Variants in DCT observed in about 807,000 individuals in gnomAD.
DCT encodes the protein dopachrome tautomerase.
In DCT, 47 loss-of-function variants were observed where a neutral mutation model predicts 53.0. The observed-to-expected ratio is 0.89, with a 90% CI of 0.70 to 1.13. The LOEUF (loss-of-function observed/expected upper bound fraction) is 1.13, where lower values mean the gene tolerates loss of function less well. DCT is among the 50% of genes most tolerant of loss of function. The pLI is 0.00. For missense variants in DCT, 669 were observed against 637.4 expected (o/e 1.05, Z -0.53); for synonymous variants, 244 against 237.0 (o/e 1.03, Z -0.27).
chr13:94,478,788 GA>G (rs1344549736), intron 1 of DCT, among the ~76,000 whole-genome samples, 172 bp downstream of exon 1: 1 of 152,252 alleles, frequency 6.6e-6, no homozygotes, highest in Non-Finnish European at 1.5e-5. Context: ...TAGAGGGTGT[GA>G]AGAATAAACC....
chr13:94,460,257 G>C (rs1566828607), intron 5 of DCT, 31 bp from the exon 6 acceptor site: 5 of 1,598,420 alleles, frequency 3.1e-6, no homozygotes, highest in Non-Finnish European at 4.3e-6. Flanking sequence ...AGTGACAACA[G>C]ACAAAGACTG....
At chr13:94,506,212 T>C in the DCT span, among the ~76,000 whole-genome samples, 1 of 152,210 alleles carries the variant, frequency 6.6e-6, no homozygotes, top group African/African-American at 2.4e-5. Context: ...GTTTACTTAA[T>C]CGCTTAAAAC....
chr13:94,450,537 A>C (rs563916278), intron 6 of DCT, among the ~76,000 whole-genome samples: 1 of 152,300 alleles, frequency 6.6e-6, no homozygotes, highest in South Asian at 2.1e-4. Context: ...GTGTGTAAAA[A>C]TGTACACAAT....
At chr13:94,523,806 A>G in the DCT span, among the ~76,000 whole-genome samples, 2 of 152,084 alleles carry the variant, frequency 1.3e-5, no homozygotes, top group South Asian at 2.1e-4. Context: ...AAATGTATAC[A>G]ATAGCGTGCT....
At chr13:94,464,812 C>T (rs1884056916) in intron 4 of DCT, among the ~76,000 whole-genome samples, 1 of 152,076 alleles carries the variant, frequency 6.6e-6, no homozygotes, top group Admixed American at 6.5e-5. Context: ...TCTTCATGGG[C>T]TGCAGGCCAG....
At chr13:94,525,687 C>T in the DCT span, among the ~76,000 whole-genome samples, 1 of 152,138 alleles carries the variant, frequency 6.6e-6, no homozygotes, top group Non-Finnish European at 1.5e-5. Flanking sequence ...AAAAGATTTT[C>T]TTTTAATGAA....
chr13:94,478,958 C>T lies in DCT; in HGVS notation c.295+3G>A. ...CCCACCAAGCTTGGAGCATGGGCCT[C>T]ACCTGTGCACTTGCAGGTCCGGTGG... On this transcript the variant is annotated splice_donor_region_variant and intron_variant, in intron 1 of 7. Transcript: ENST00000377028. The T allele has an allele frequency of 6.2e-7, 1 of 1,605,194 alleles. No individual in the cohort carries two copies. Among genetic ancestry groups the T allele is most frequent in the Non-Finnish European group, 8.5e-7 (1 of 1,174,242 alleles).
At chr13:94,547,984 A>AAAAAAAAAAT in the DCT span, among the ~76,000 whole-genome samples, 11 of 65,816 alleles carry the variant, frequency 1.7e-4, no homozygotes, top group African/African-American at 1.4e-3. Context: ...AAAAAAAAAA[A>AAAAAAAAAAT]ATATATATAT....
chr13:94,525,785 T>C, the DCT span, among the ~76,000 whole-genome samples: 1 of 152,116 alleles, frequency 6.6e-6, no homozygotes, highest in Non-Finnish European at 1.5e-5. Context: ...TTTAGTCCAG[T>C]AGTTTGATAC....
chr13:94,490,920 CTATT>C, the DCT span, among the ~76,000 whole-genome samples: 2 of 151,900 alleles, frequency 1.3e-5, no homozygotes, highest in Non-Finnish European at 2.9e-5. Flanking sequence ...GGAAAGTTAC[CTATT>C]TATTTATGCC....
upstream of DCT, among the ~76,000 whole-genome samples, chr13:94,482,799 A>C (rs1447937723): frequency 6.6e-6 from 1 of 152,192 alleles, no homozygotes; most frequent in Non-Finnish European, 1.5e-5. Flanking sequence ...AATGACCACT[A>C]TTATATTGGG....
Position 94,466,647 on chromosome 13 carries a change from G to A in DCT, c.607C>T (p.Pro203Ser). 6.2e-7 allele frequency: 1 copy of A among 1,601,744 alleles called. No individual in the cohort carries two copies. Among genetic ancestry groups the A allele is most frequent in the Non-Finnish European group, 8.5e-7 (1 of 1,175,242 alleles). The part of the protein sequence containing the change: ...VRDTLLGPGR[P>S]YRAIDFSHQG... ...TGTGAGAAATCTATGGCCCTGTAGG[G>A]GCGTCCTGGTCCTGAAACAATTGGG... The change falls in exon 3 of 8, where the codon CCC becomes TCC. Residue 203 changes from proline to serine, a missense_variant. Transcript: ENST00000377028.
chr13:94,472,558 ATATATATATATTTTTTTTTTTTTTTTT>A (rs1884792639), intron 1 of DCT, among the ~76,000 whole-genome samples: 1 of 24,392 alleles, frequency 4.1e-5, no homozygotes, highest in Non-Finnish European at 6.4e-5. Context: ...ATATATATAT[ATATATATATATTTTTTTTTTTTTTTTT>A]TTTTTTTTTT....
chr13:94,472,537 TATATATATATATATATATATATATATATA>T (rs1566854692), intron 1 of DCT, among the ~76,000 whole-genome samples: 60 of 25,892 alleles, frequency 2.3e-3, no homozygotes, highest in Non-Finnish European at 3.2e-3. Context: ...TATATATATA[TATATATATATATATATATATATATATATA>T]TATTTTTTTT....
At chr13:94,529,461 A>G in the DCT span, among the ~76,000 whole-genome samples, 1 of 152,252 alleles carries the variant, frequency 6.6e-6, no homozygotes, top group East Asian at 1.9e-4. Context: ...CAGGGCAATC[A>G]AATTAGAACT....
At chr13:94,535,098 C>G in the DCT span, among the ~76,000 whole-genome samples, 1 of 152,220 alleles carries the variant, frequency 6.6e-6, no homozygotes, top group Non-Finnish European at 1.5e-5. Flanking sequence ...CTGCAGCCCA[C>G]TTGATTAGGC....
the DCT span, among the ~76,000 whole-genome samples, chr13:94,545,405 C>G: frequency 6.6e-6 from 1 of 152,130 alleles, no homozygotes; most frequent in African/African-American, 2.4e-5. Flanking sequence ...AAATAACAAT[C>G]TGAGAAGCTA....
At chr13:94,529,353 C>T in the DCT span, among the ~76,000 whole-genome samples, 1 of 152,222 alleles carries the variant, frequency 6.6e-6, no homozygotes, top group Admixed American at 6.5e-5. Context: ...CTCAGTACCA[C>T]ATCGCACTTA....
the DCT span, among the ~76,000 whole-genome samples, chr13:94,525,346 C>T: frequency 6.6e-6 from 1 of 152,154 alleles, no homozygotes; most frequent in Non-Finnish European, 1.5e-5. Context: ...AGGTGATCCA[C>T]CTGCCTCAGC....
Sources: allele counts gnomAD v4.1 joint callset (sites outside exome capture counted in the v4.1 genomes callset), GRCh38; gene constraint gnomAD v4.1.1; transcripts MANE v1.5; gene names NCBI Gene and HGNC (gene_info 2026-07-23, HGNC 2026-07-21).